The following XIRP2 variants were observed in gnomAD, a reference collection of about 807,000 sequenced individuals.
XIRP2 encodes xin actin-binding repeat-containing protein 2.
In XIRP2, 236 loss-of-function variants were observed where a neutral mutation model predicts 277.0. The ratio of observed to expected loss-of-function variants is 0.85; its 90% CI spans 0.77 to 0.95. The LOEUF (loss-of-function observed/expected upper bound fraction) is 0.95. XIRP2 is among the 40% of genes least tolerant of loss of function. The pLI, the probability that XIRP2 is intolerant of heterozygous loss-of-function variation, is 0.00. For synonymous variants in XIRP2, 1,490 were observed against 1,416.5 expected (o/e 1.05, Z -1.17); for missense variants, 4,640 against 4,157.5 (o/e 1.12, Z -3.19).
intron 2 of XIRP2, among the ~76,000 whole-genome samples, chr2:166,955,849 T>G (rs1490884135): frequency 6.6e-6 from 1 of 151,600 alleles, no homozygotes; most frequent in Non-Finnish European, 1.5e-5. Flanking sequence ...CATCAGTTCT[T>G]TGGAACATCT....
At chr2:166,897,110 G>A (rs1684265566) in intron 1 of XIRP2, among the ~76,000 whole-genome samples, 1 of 152,154 alleles carries the variant, frequency 6.6e-6, no homozygotes, top group Non-Finnish European at 1.5e-5. Context: ...AGAACATTAA[G>A]CAACACACTA....
intron 3 of XIRP2, among the ~76,000 whole-genome samples, chr2:167,141,409 T>C (rs1255291037): frequency 1.3e-5 from 2 of 152,092 alleles, no homozygotes; most frequent in Admixed American, 6.5e-5. Flanking sequence ...ATGGAGCATA[T>C]TTTCTAACAG....
At chr2:167,002,245 A>G (rs1215145139) in intron 2 of XIRP2, among the ~76,000 whole-genome samples, 1 of 152,006 alleles carries the variant, frequency 6.6e-6, no homozygotes, top group African/African-American at 2.4e-5. Flanking sequence ...AATAACCCCA[A>G]CCAGAGGGCA....
chr2:167,227,694 G>A (rs1191735635), intron 5 of XIRP2, among the ~76,000 whole-genome samples: 1 of 151,934 alleles, frequency 6.6e-6, no homozygotes, highest in Non-Finnish European at 1.5e-5. Context: ...GAGACAAAGT[G>A]AGACCCTGTC....
chr2:167,185,903 A>G (rs1458104469), intron 3 of XIRP2, among the ~76,000 whole-genome samples: 1 of 152,174 alleles, frequency 6.6e-6, no homozygotes. Flanking sequence ...AGATGAATAA[A>G]GTGAAGCTTA....
intron 2 of XIRP2, among the ~76,000 whole-genome samples, chr2:167,027,845 T>A (rs1298355031): frequency 6.6e-6 from 1 of 152,048 alleles, no homozygotes; most frequent in Non-Finnish European, 1.5e-5. Context: ...AGAATTCAAA[T>A]TTCATTAGTA....
At chr2:167,208,367 C>T (rs1460061748) in intron 3 of XIRP2, among the ~76,000 whole-genome samples, 2 of 152,112 alleles carry the variant, frequency 1.3e-5, no homozygotes, top group Non-Finnish European at 2.9e-5. Flanking sequence ...AGTGCGGTGG[C>T]GCGATCTTGG....
intron 2 of XIRP2, among the ~76,000 whole-genome samples, chr2:166,929,817 T>A (rs530299412): frequency 6.6e-6 from 1 of 152,198 alleles, no homozygotes; most frequent in African/African-American, 2.4e-5. Context: ...CTTCGTAAGA[T>A]GACTTCATCA....
intron 2 of XIRP2, among the ~76,000 whole-genome samples, chr2:167,013,339 A>T (rs1687733625): frequency 6.6e-6 from 1 of 151,442 alleles, no homozygotes; most frequent in South Asian, 2.1e-4. Context: ...ACATAGGAAA[A>T]AAACAATTCT....
At chr2:167,030,331 G>A (rs982143625) in intron 2 of XIRP2, among the ~76,000 whole-genome samples, 7 of 152,014 alleles carry the variant, frequency 4.6e-5, no homozygotes, top group East Asian at 1.9e-4. Flanking sequence ...GATCTTTCCC[G>A]CTTTCTCCTG....
chr2:167,255,474 G>A (rs956563311), intron 10 of XIRP2, among the ~76,000 whole-genome samples: 12 of 151,530 alleles, frequency 7.9e-5, no homozygotes, highest in African/African-American at 2.7e-4. Flanking sequence ...CATTCAAGCC[G>A]TCACCAAGTC....
In XIRP2 at chr2:167,259,224, A is replaced by G; in HGVS notation, c.*1407A>G. ...GTTGAAACAACAGAAGCTGCCCGCA[A>G]TAATGAAAACACAGGTTTTGATGCT... On this transcript the variant is annotated 3_prime_UTR_variant, in exon 11 of 11. Coordinates refer to ENST00000409195, the MANE Select transcript of XIRP2 (RefSeq NM_152381.6). 6.2e-7 allele frequency: 1 copy of G among 1,613,486 alleles called. No individual in the cohort carries two copies. The highest frequency in any genetic ancestry group is 8.5e-7 in the Non-Finnish European group (1 of 1,179,640).
chr2:167,130,644 G>A (rs970567181), intron 2 of XIRP2, among the ~76,000 whole-genome samples: 2 of 151,810 alleles, frequency 1.3e-5, no homozygotes, highest in African/African-American at 4.8e-5. Context: ...CTGTCTTCCA[G>A]TTTACCCTTT....
intron 2 of XIRP2, among the ~76,000 whole-genome samples, chr2:167,125,073 G>A (rs1484232816): frequency 6.6e-6 from 1 of 152,142 alleles, no homozygotes; most frequent in Non-Finnish European, 1.5e-5. Context: ...GAGGGGGCAA[G>A]CCACATTGTT....
chr2:167,074,736 C>T (rs1689518699), intron 2 of XIRP2, among the ~76,000 whole-genome samples: 1 of 151,938 alleles, frequency 6.6e-6, no homozygotes, highest in Non-Finnish European at 1.5e-5. Flanking sequence ...ACCTCCCAGG[C>T]TCAAGTGATC....
At chr2:167,142,951 A>G (rs1691763327) in intron 3 of XIRP2, among the ~76,000 whole-genome samples, 1 of 152,054 alleles carries the variant, frequency 6.6e-6, no homozygotes, top group African/African-American at 2.4e-5. Flanking sequence ...GGAAGGAGGG[A>G]AGGATGAAGG....
At chr2:166,974,540 C>T (rs1035010893) in intron 2 of XIRP2, among the ~76,000 whole-genome samples, 7 of 151,696 alleles carry the variant, frequency 4.6e-5, no homozygotes, top group Non-Finnish European at 1.0e-4. Context: ...AATTATACTG[C>T]CCAAGCTTCT....
At chr2:166,903,266 A>G (rs921561749) in intron 1 of XIRP2, among the ~76,000 whole-genome samples, 199 bp from the exon 2 acceptor site, 2 of 152,214 alleles carry the variant, frequency 1.3e-5, no homozygotes, top group East Asian at 3.9e-4. Flanking sequence ...CCTCTCCATA[A>G]TCTGTGTAAT....
At chr2:167,163,295 G>A (rs1323806396) in intron 3 of XIRP2, among the ~76,000 whole-genome samples, 1 of 152,174 alleles carries the variant, frequency 6.6e-6, no homozygotes, top group East Asian at 1.9e-4. Context: ...CAATGTGTGA[G>A]AATTTCAGTT....
Sources: gnomAD v4.1 joint callset for allele counts (sites outside exome capture counted in the v4.1 genomes callset) on GRCh38, gnomAD v4.1.1 for gene constraint, MANE v1.5 for transcripts, NCBI Gene and HGNC (gene_info 2026-07-23, HGNC 2026-07-21) for gene names.